DPYD: variants seen among roughly 807,000 people sequenced by gnomAD.
DPYD encodes the protein dihydropyrimidine dehydrogenase [NADP(+)].
In DPYD, 109 loss-of-function variants were observed where a neutral mutation model predicts 116.2. That is an observed-to-expected ratio of 0.94 (90% CI 0.80 to 1.10). DPYD has a LOEUF of 1.10. DPYD is among the 50% of genes least tolerant of loss of function. DPYD has a pLI of 0.00. For missense variants in DPYD, 1,302 were observed against 1,254.5 expected (o/e 1.04, Z -0.57); for synonymous variants, 440 against 432.0 (o/e 1.02, Z -0.23).
chr1:97,214,427 A>G (rs187111230), intron 19 of DPYD, among the ~76,000 whole-genome samples: 98 of 152,336 alleles, frequency 6.4e-4, no homozygotes, highest in African/African-American at 2.3e-3. Context: ...AGGCCAATGA[A>G]TAAAAGATAT....
intron 20 of DPYD, among the ~76,000 whole-genome samples, chr1:97,172,734 C>A (rs1050915806): frequency 6.6e-6 from 1 of 152,132 alleles, no homozygotes; most frequent in Admixed American, 6.6e-5. Flanking sequence ...AAGAATGAAG[C>A]CTGTGCCCTA....
At chr1:97,225,540 A>C (rs1481970508) in intron 19 of DPYD, among the ~76,000 whole-genome samples, 1 of 149,942 alleles carries the variant, frequency 6.7e-6, no homozygotes, top group Admixed American at 6.7e-5. Flanking sequence ...ATCCTGAGTA[A>C]AAAATTTTGA....
Position 97,434,962 on chromosome 1 carries a change from G to T in DPYD, c.1905+15097C>A, listed in dbSNP as rs144386093. On this transcript the variant is annotated intron_variant, in intron 14 of 22. Transcript: ENST00000370192. ...GTGAGGTTATTGTGAAATCGATTCA[G>T]AGAAATACACATCTGTATCCTATAA... Among the ~76,000 whole-genome samples, 578 of 152,016 alleles carry T rather than the reference G, an allele frequency of 3.8e-3. 6 individuals carry two copies. Among genetic ancestry groups the T allele is most frequent in the African/African-American group, 0.013 (544 of 41,522 alleles).
chr1:97,225,055 A>ATCTATCTATCTATCTATCTG (rs1411102672), intron 19 of DPYD, among the ~76,000 whole-genome samples: 1 of 140,918 alleles, frequency 7.1e-6, no homozygotes, highest in African/African-American at 2.6e-5. Context: ...CTATCTATCT[A>ATCTATCTATCTATCTATCTG]TCTGTCTATC....
intron 19 of DPYD, among the ~76,000 whole-genome samples, chr1:97,207,039 C>A (rs1659687739): frequency 1.3e-5 from 2 of 151,948 alleles, no homozygotes; most frequent in Admixed American, 1.3e-4. Context: ...GCAAAAAGGG[C>A]AGAGACTATA....
chr1:97,175,481 T>A (rs1657178714), intron 20 of DPYD, among the ~76,000 whole-genome samples: 1 of 152,222 alleles, frequency 6.6e-6, no homozygotes, highest in African/African-American at 2.4e-5. Context: ...TCTCCTCCTG[T>A]AAGCTTCCTT....
At chr1:97,198,803 T>C (rs1467612829) in intron 19 of DPYD, among the ~76,000 whole-genome samples, 10 of 152,164 alleles carry the variant, frequency 6.6e-5, no homozygotes, top group Non-Finnish European at 5.9e-5. Context: ...GTTGCCACCA[T>C]TAATTATTTC....
At chr1:97,821,956 C>T (rs1333251651) in intron 3 of DPYD, among the ~76,000 whole-genome samples, 1 of 151,600 alleles carries the variant, frequency 6.6e-6, no homozygotes, top group Non-Finnish European at 1.5e-5. Context: ...ATTAATTTAC[C>T]TAAAATTACA....
At chr1:97,374,354 G>T (rs1671477536) in intron 15 of DPYD, among the ~76,000 whole-genome samples, 2 of 151,972 alleles carry the variant, frequency 1.3e-5, no homozygotes. Context: ...AGTATTCTTG[G>T]AATACTTTGA....
chr1:97,269,709 A>G (rs938184844), intron 18 of DPYD, among the ~76,000 whole-genome samples: 12 of 152,104 alleles, frequency 7.9e-5, no homozygotes, highest in African/African-American at 2.7e-4. Context: ...GAGAGCTCTG[A>G]TATCTCTTCC....
At chr1:97,834,981 A>G (rs1669698641) in intron 2 of DPYD, among the ~76,000 whole-genome samples, 2 of 152,188 alleles carry the variant, frequency 1.3e-5, no homozygotes, top group South Asian at 4.1e-4. Context: ...TCATATTTCA[A>G]TAGATAATTG....
intron 16 of DPYD, among the ~76,000 whole-genome samples, chr1:97,370,869 G>A (rs189418056): frequency 7.5e-4 from 114 of 152,248 alleles, no homozygotes; most frequent in Middle Eastern, 3.4e-3. Context: ...CAATGCTGAG[G>A]TGTTTTAAGA....
chr1:97,368,996 G>A (rs929651305), intron 16 of DPYD, among the ~76,000 whole-genome samples: 2 of 152,114 alleles, frequency 1.3e-5, no homozygotes, highest in Non-Finnish European at 2.9e-5. Flanking sequence ...AGGCCTACTC[G>A]AGGTCTATTC....
At chr1:97,107,608 G>A (rs1162351820) in intron 20 of DPYD, among the ~76,000 whole-genome samples, 1 of 152,028 alleles carries the variant, frequency 6.6e-6, no homozygotes, top group Non-Finnish European at 1.5e-5. Flanking sequence ...CAAAGCACAT[G>A]AGTACATTAT....
intron 4 of DPYD, among the ~76,000 whole-genome samples, chr1:97,723,886 A>G (rs1271199845): frequency 6.6e-6 from 1 of 151,696 alleles, no homozygotes; most frequent in Admixed American, 6.6e-5. Context: ...TGAGGCTGCC[A>G]TGGCTTAATC....
intron 20 of DPYD, among the ~76,000 whole-genome samples, chr1:97,173,313 CACACATATAT>C (rs534001431): frequency 0.029 from 3,353 of 117,484 alleles, 123 homozygotes; most frequent in African/African-American, 0.1. Flanking sequence ...CATATATATG[CACACATATAT>C]ACACATATAT....
chr1:97,456,098 T>G (rs991630616), intron 13 of DPYD, among the ~76,000 whole-genome samples: 2 of 151,790 alleles, frequency 1.3e-5, no homozygotes. Context: ...TTTCAAATTA[T>G]CATGACCTAT....
intron 2 of DPYD, among the ~76,000 whole-genome samples, chr1:97,881,879 G>A (rs1672240400): frequency 6.6e-6 from 1 of 151,506 alleles, no homozygotes; most frequent in African/African-American, 2.4e-5. Context: ...GGGGTGGAGG[G>A]ATAGCATTAG....
intron 4 of DPYD, among the ~76,000 whole-genome samples, chr1:97,730,835 A>G (rs1409806711): frequency 6.6e-6 from 1 of 152,040 alleles, no homozygotes; most frequent in Non-Finnish European, 1.5e-5. Context: ...TCGAAACACT[A>G]ATACAAATAC....
Sources: gnomAD v4.1 joint callset for allele counts (sites outside exome capture counted in the v4.1 genomes callset) on GRCh38, gnomAD v4.1.1 for gene constraint, MANE v1.5 for transcripts, NCBI Gene and HGNC (gene_info 2026-07-23, HGNC 2026-07-21) for gene names.